Variants in GPHN observed in about 807,000 individuals in gnomAD.
GPHN encodes gephyrin.
In GPHN, 17 loss-of-function variants were observed where a neutral mutation model predicts 95.5. The observed-to-expected ratio is 0.18, with a 90% CI of 0.12 to 0.27. The LOEUF (loss-of-function observed/expected upper bound fraction) is 0.27, where lower values mean the gene tolerates loss of function less well. Ranked by LOEUF, GPHN falls within the 10% of genes least tolerant of loss-of-function variation. The probability of loss-of-function intolerance (pLI) is 1.00; values close to 1 mark genes in which losing one functional copy is unlikely to be tolerated. For synonymous variants in GPHN, 320 were observed against 322.5 expected (o/e 0.99, Z 0.08); for missense variants, 660 against 978.1 (o/e 0.67, Z 4.34).
intron 1 of GPHN, among the ~76,000 whole-genome samples, chr14:66,636,781 A>G (rs185438356): frequency 1.3e-5 from 2 of 152,200 alleles, no homozygotes; most frequent in African/African-American, 4.8e-5. Context: ...ATAATTAACA[A>G]GCAGGCTGGT....
the GPHN span, chr14:67,590,144 A>T: frequency 6.4e-7 from 1 of 1,551,212 alleles, no homozygotes; most frequent in Non-Finnish European, 8.7e-7. Context: ...GTATACTTCA[A>T]TCAAGCAGTC....
chr14:67,548,697 CA>C, the GPHN span, among the ~76,000 whole-genome samples: 5 of 149,928 alleles, frequency 3.3e-5, no homozygotes, highest in Admixed American at 2.0e-4. Context: ...AACTCTGTCT[CA>C]AAAAAAAAGA....
chr14:67,487,565 G>A, the GPHN span, among the ~76,000 whole-genome samples: 1 of 152,172 alleles, frequency 6.6e-6, no homozygotes, highest in African/African-American at 2.4e-5. Flanking sequence ...CTCATGGAAG[G>A]CAGACAATGT....
intron 20 of GPHN, among the ~76,000 whole-genome samples, chr14:67,166,193 A>T (rs1288670619): frequency 6.6e-6 from 1 of 152,264 alleles, no homozygotes; most frequent in African/African-American, 2.4e-5. Context: ...AAAAGAGATT[A>T]GATTTCTATC....
At chr14:67,051,105 G>A (rs2075286541) in intron 10 of GPHN, among the ~76,000 whole-genome samples, 1 of 152,236 alleles carries the variant, frequency 6.6e-6, no homozygotes, top group Non-Finnish European at 1.5e-5. Context: ...GGGGGCGGCT[G>A]CCATCACTGC....
chr14:67,037,422 G>A (rs1436887383), intron 10 of GPHN, among the ~76,000 whole-genome samples: 2 of 151,900 alleles, frequency 1.3e-5, no homozygotes, highest in East Asian at 3.9e-4. Context: ...AAAAAGCACA[G>A]ACAACTTATA....
intron 11 of GPHN, among the ~76,000 whole-genome samples, chr14:67,069,799 C>T (rs1256740957): frequency 1.3e-5 from 2 of 152,204 alleles, no homozygotes; most frequent in African/African-American, 4.8e-5. Context: ...AGGAATATAT[C>T]TCTGTCTCAT....
At chr14:67,582,259 GA>G in the GPHN span, 1 of 1,612,208 alleles carries the variant, frequency 6.2e-7, no homozygotes, top group Non-Finnish European at 8.5e-7. The surrounding 1 kb of genome is among the most constrained non-coding windows in gnomAD (Gnocchi z 5.0). Flanking sequence ...AGCTTAGAAT[GA>G]ATGCACCATG....
At chr14:67,715,837 T>A in the GPHN span, among the ~76,000 whole-genome samples, 1 of 152,188 alleles carries the variant, frequency 6.6e-6, no homozygotes, top group Non-Finnish European at 1.5e-5. Context: ...ATGCAAACCT[T>A]GGTTCCATGT....
chr14:67,374,574 TC>T, the GPHN span: 1 of 1,451,002 alleles, frequency 6.9e-7, no homozygotes, highest in Non-Finnish European at 9.6e-7. Flanking sequence ...GTCAAATTAG[TC>T]CACTATCTGT....
chr14:67,342,624 A>G, the GPHN span, among the ~76,000 whole-genome samples: 286 of 151,204 alleles, frequency 1.9e-3, 1 homozygote, highest in African/African-American at 6.8e-3. Context: ...GCAGTCAAAA[A>G]GGTTTTTTAA....
At chr14:67,009,246 T>G (rs1201723135) in intron 9 of GPHN, among the ~76,000 whole-genome samples, 1 of 152,162 alleles carries the variant, frequency 6.6e-6, no homozygotes, top group African/African-American at 2.4e-5. Flanking sequence ...TGTTATTAAT[T>G]TTTGTGTTTC....
chr14:67,280,585 T>G, the GPHN span, among the ~76,000 whole-genome samples: 1 of 152,140 alleles, frequency 6.6e-6, no homozygotes, highest in Non-Finnish European at 1.5e-5. Context: ...ACACCAATGG[T>G]AGAGCCAAGT....
the GPHN span, chr14:67,586,855 C>G: frequency 2.0e-6 from 3 of 1,506,444 alleles, no homozygotes; most frequent in Non-Finnish European, 2.7e-6. Flanking sequence ...CAGAAGGGCA[C>G]TGTGCATCTG....
At chr14:66,897,145 G>T (rs1175444174) in intron 5 of GPHN, among the ~76,000 whole-genome samples, 7 of 152,054 alleles carry the variant, frequency 4.6e-5, no homozygotes. Flanking sequence ...GTTTTTTCCA[G>T]TGGTAACATC....
chr14:66,896,196 G>A (rs2064841189), intron 5 of GPHN, among the ~76,000 whole-genome samples: 1 of 151,652 alleles, frequency 6.6e-6, no homozygotes, highest in African/African-American at 2.4e-5. Context: ...ATGAATTTGG[G>A]GTAAACAAAA....
chr14:66,801,631 TC>T (rs113152231), intron 3 of GPHN, among the ~76,000 whole-genome samples: 2,145 of 99,768 alleles, frequency 0.021, 31 homozygotes, highest in African/African-American at 0.023. Context: ...CCCCGCTCTC[TC>T]CCCCCTCTCT....
the GPHN span, among the ~76,000 whole-genome samples, chr14:67,218,700 A>G: frequency 6.6e-6 from 1 of 152,018 alleles, no homozygotes; most frequent in African/African-American, 2.4e-5. Flanking sequence ...ACTGCGGAAC[A>G]GTTTCTTTGT....
chr14:66,509,039 C>T (rs373963479), intron 1 of GPHN: 27 of 233,350 alleles, frequency 1.2e-4, no homozygotes, highest in African/African-American at 2.8e-4. Context: ...CCCTTCCCCC[C>T]ACCTGGGCGG....
Sources: allele counts gnomAD v4.1 joint callset (sites outside exome capture counted in the v4.1 genomes callset), GRCh38; gene constraint gnomAD v4.1.1; non-coding constraint Gnocchi (gnomAD v3.1); transcripts MANE v1.5; gene names NCBI Gene and HGNC (gene_info 2026-07-23, HGNC 2026-07-21).